ZNF679: variants seen among roughly 807,000 people sequenced by gnomAD.
ZNF679 encodes the protein hypothetical protein MGC42415.
In ZNF679, 10 loss-of-function variants were observed where a neutral mutation model predicts 13.4. The observed-to-expected ratio is 0.75, with a 90% CI of 0.46 to 1.27. The LOEUF (loss-of-function observed/expected upper bound fraction) is 1.27. Among genes scored for constraint, ZNF679 ranks in the 50% most tolerant of loss-of-function variants. The pLI is 0.00. For missense variants in ZNF679, 525 were observed against 477.8 expected, an observed-to-expected ratio of 1.10 and a Z score of -0.92; for synonymous variants, 179 against 162.5, an observed-to-expected ratio of 1.10 and a Z score of -0.77.
rs1478495307 is a variant in ZNF679, at chr7:64,266,407, T to C, written c.774T>C (p.His258=). 6.2e-7 allele frequency: 1 copy of C among 1,612,784 alleles called. No homozygotes were observed. Among genetic ancestry groups the C allele is most frequent in the East Asian group, 2.2e-5 (1 of 44,614 alleles). ...AFTWSSTLTK[H]RRIHTGEKPY... is the part of the protein sequence containing the mutation. ...CCTGGTCCTCAACCCTTACTAAACATAGGAGAATTCATACTGGAGAAAAAC... is the reference window on the plus strand; with the variant it reads ...CCTGGTCCTCAACCCTTACTAAACACAGGAGAATTCATACTGGAGAAAAAC... Residue 258 remains histidine, a synonymous_variant, in exon 5 of 5, where the codon CAT becomes CAC. Transcript: ENST00000421025.
intron 1 of ZNF679, among the ~76,000 whole-genome samples, chr7:64,245,205 T>C (rs1182512091): frequency 6.6e-6 from 1 of 152,148 alleles, no homozygotes; most frequent in Non-Finnish European, 1.5e-5. Context: ...TTTGTATTTT[T>C]AGTAGAGACA....
intron 1 of ZNF679, among the ~76,000 whole-genome samples, chr7:64,239,540 C>T (rs906602923): frequency 2.0e-5 from 3 of 152,160 alleles, no homozygotes; most frequent in Non-Finnish European, 4.4e-5. Context: ...GTACCTGGGC[C>T]AAGCACCTAG....
chr7:64,237,851 A>T lies in ZNF679; in HGVS notation c.-91+9199A>T, dbSNP rs1473152397. The stretch of plus-strand genomic sequence containing the variant: ...AAATTTGATAGAACTTTACCAGGTT[A>T]TTATAAATAATATAATTCAGAAAAT... On this transcript the variant is annotated intron_variant, in intron 1 of 4. Transcript: ENST00000421025. Among the ~76,000 whole-genome samples, 3 of 152,176 alleles carry T rather than the reference A, an allele frequency of 2.0e-5. No homozygotes were observed. In the East Asian group the frequency reaches 5.8e-4, roughly 29 times the overall value.
Position 64,266,696 on chromosome 7 carries a change from A to G in ZNF679, c.1063A>G (p.Lys355Glu), listed in dbSNP as rs775896879. Residue 355 changes from lysine (K) to glutamate (E), a missense_variant, in exon 5 of 5, where the codon AAA becomes GAA. Coordinates refer to ENST00000421025, the MANE Select transcript of ZNF679 (RefSeq NM_153363.3). ...TACTGGAGAGAAACCCTACAAATGT[A>G]AAGAATGTGGGAAAGCCTTTGCCTT... ...IHTGEKPYKC[K>E]ECGKAFAFSS... is the part of the protein sequence containing the mutation. 24 of 1,613,180 alleles carry G rather than the reference A, an allele frequency of 1.5e-5. 1 individual carries two copies. In the South Asian group the frequency reaches 1.6e-4, roughly 11 times the overall value.
At chr7:64,258,393 G>C (rs1486507928) in intron 2 of ZNF679, among the ~76,000 whole-genome samples, 1 of 152,098 alleles carries the variant, frequency 6.6e-6, no homozygotes, top group African/African-American at 2.4e-5. Flanking sequence ...TTCTTGGTGA[G>C]CATGTCTCAG....
intron 2 of ZNF679, among the ~76,000 whole-genome samples, chr7:64,259,853 A>T (rs1378881149): frequency 7.9e-5 from 12 of 151,954 alleles, no homozygotes. Context: ...GCTTGAACCC[A>T]GGAGGCGTAG....
intron 1 of ZNF679, among the ~76,000 whole-genome samples, chr7:64,242,743 T>C (rs1787814575): frequency 6.6e-6 from 1 of 151,162 alleles, no homozygotes; most frequent in African/African-American, 2.4e-5. Context: ...TTAGACAATA[T>C]GCATGTGTGT....
chr7:64,261,600 ATTT>A (rs931344268), intron 4 of ZNF679, among the ~76,000 whole-genome samples: 1 of 152,036 alleles, frequency 6.6e-6, no homozygotes, highest in African/African-American at 2.4e-5. Context: ...GAACATTCAT[ATTT>A]TTTATGATAG....
At chr7:64,230,100 C>G (rs1027005736) in intron 1 of ZNF679, among the ~76,000 whole-genome samples, 6 of 152,166 alleles carry the variant, frequency 3.9e-5, no homozygotes, top group Non-Finnish European at 7.3e-5. Flanking sequence ...AGGACCCAGG[C>G]AGAAGGGAAG....
chr7:64,261,429 C>T (rs1788075841), intron 4 of ZNF679, among the ~76,000 whole-genome samples: 1 of 151,576 alleles, frequency 6.6e-6, no homozygotes, highest in Admixed American at 6.6e-5. Flanking sequence ...TAATTTTTAT[C>T]CATGTATTTA....
At chr7:64,261,026 C>A in intron 4 of ZNF679, 97 bp downstream of exon 4, 2 of 1,277,880 alleles carry the variant, frequency 1.6e-6, no homozygotes, top group Non-Finnish European at 2.1e-6. Context: ...GATGTGCTTC[C>A]ATGGAAAGAG....
chr7:64,251,329 C>T (rs1787942004), intron 2 of ZNF679, among the ~76,000 whole-genome samples: 1 of 152,024 alleles, frequency 6.6e-6, no homozygotes, highest in Non-Finnish European at 1.5e-5. Flanking sequence ...TGGTGGGCGC[C>T]TCTAATCCCA....
At chr7:64,260,076 A>T (rs1788054714) in intron 2 of ZNF679, 145 bp from the exon 3 acceptor site, 1 of 607,050 alleles carries the variant, frequency 1.6e-6, no homozygotes, top group African/African-American at 1.9e-5. Flanking sequence ...AAAAATTATC[A>T]TTGAATAATT....
At chr7:64,248,248 C>T (rs1380019068) in intron 1 of ZNF679, among the ~76,000 whole-genome samples, 4 of 152,090 alleles carry the variant, frequency 2.6e-5, no homozygotes, top group African/African-American at 9.7e-5. Context: ...ATCCAATCAC[C>T]TCCCACCTGG....
Position 64,260,887 on chromosome 7 carries a change from C to G in ZNF679, c.220C>G (p.Pro74Ala), listed in dbSNP as rs764805712. The G allele has an allele frequency of 6.2e-7, 1 of 1,611,902 alleles. No homozygotes were observed. ...CACCTGTCTGGAGCAAAATAAAGAG[C>G]CTTGGAATATAAAGAGAAATGAGAT... ...LITCLEQNKE[P>A]WNIKRNEMVT... The change falls in exon 4 of 5, where the codon CCT becomes GCT. Residue 74 changes from proline (P) to alanine (A), a missense_variant. Transcript: ENST00000421025.
intron 1 of ZNF679, among the ~76,000 whole-genome samples, chr7:64,240,010 C>G (rs1271444282): frequency 1.3e-5 from 2 of 152,172 alleles, no homozygotes; most frequent in African/African-American, 2.4e-5. Context: ...GTTCTTCTAA[C>G]TGGACACTTT....
chr7:64,266,310 C>A lies in ZNF679; in HGVS notation c.677C>A (p.Thr226Asn), dbSNP rs1407668601. The change falls in exon 5 of 5, where the codon ACC becomes AAC. Residue 226 changes from threonine (T) to asparagine (N), a missense_variant. Thr to Asn is a moderately conservative substitution (Grantham distance 65). Coordinates refer to ENST00000421025, the MANE Select transcript of ZNF679 (RefSeq NM_153363.3). The part of the protein sequence containing the change: ...ECGKPFNCSS[T>N]LSKHKRIHTG... ...GGCAAACCCTTCAACTGCTCTTCAA[C>A]CCTTTCTAAACATAAAAGAATTCAT... 1.4e-5 allele frequency: 22 copies of A among 1,610,810 alleles called. No individual in the cohort carries two copies. Among genetic ancestry groups the A allele is most frequent in the Non-Finnish European group, 1.8e-5 (21 of 1,178,522 alleles).
rs368388059 is a variant in ZNF679, at chr7:64,266,290, A to G, written c.657A>G (p.Lys219=). The change falls in exon 5 of 5, where the codon AAA becomes AAG. Residue 219 remains lysine, a synonymous_variant. Coordinates refer to ENST00000421025, the MANE Select transcript of ZNF679 (RefSeq NM_153363.3). ...CCTACCAATGTGAAGAATGCGGCAA[A>G]CCCTTCAACTGCTCTTCAACCCTTT... is the stretch of plus-strand genomic sequence containing the variant. The part of the protein sequence containing the change: ...ENSYQCEECG[K]PFNCSSTLSK... 6.2e-7 allele frequency: 1 copy of G among 1,603,518 alleles called. No homozygotes were observed. The highest frequency in any genetic ancestry group is 8.5e-7 in the Non-Finnish European group (1 of 1,174,648).
At chr7:64,232,799 AG>A (rs1787658850) in intron 1 of ZNF679, among the ~76,000 whole-genome samples, 1 of 152,186 alleles carries the variant, frequency 6.6e-6, no homozygotes, top group Non-Finnish European at 1.5e-5. Context: ...CAGGGCTAAA[AG>A]GGGAGAGTCA....
Sources: gnomAD v4.1 joint callset for allele counts (sites outside exome capture counted in the v4.1 genomes callset) on GRCh38, gnomAD v4.1.1 for gene constraint, MANE v1.5 for transcripts, NCBI Gene and HGNC (gene_info 2026-07-23, HGNC 2026-07-21) for gene names.